Variants in CSMD3 observed in about 807,000 individuals in gnomAD.
CSMD3 encodes the protein CUB and Sushi multiple domains 3.
In CSMD3, 177 loss-of-function variants were observed where a neutral mutation model predicts 435.2. The ratio of observed to expected loss-of-function variants is 0.41; its 90% CI spans 0.36 to 0.46. The LOEUF (loss-of-function observed/expected upper bound fraction) is 0.46. Among genes scored for constraint, CSMD3 ranks in the 20% least tolerant of loss-of-function variants. The pLI, the probability that CSMD3 is intolerant of heterozygous loss-of-function variation, is 0.34. For missense variants in CSMD3, 4,265 were observed against 4,504.6 expected (o/e 0.95, Z 1.52); for synonymous variants, 1,656 against 1,520.5 (o/e 1.09, Z -2.07).
chr8:112,874,863 CTT>C (rs1211870077), intron 10 of CSMD3, among the ~76,000 whole-genome samples: 3 of 152,114 alleles, frequency 2.0e-5, no homozygotes, highest in Admixed American at 6.6e-5. Flanking sequence ...GGTCTTGACT[CTT>C]TATCCAATCT....
intron 5 of CSMD3, among the ~76,000 whole-genome samples, chr8:113,090,843 T>G (rs1282203588): frequency 1.3e-5 from 2 of 152,006 alleles, no homozygotes; most frequent in Admixed American, 1.3e-4. Context: ...TCCCACCCCC[T>G]TTTTCTCACA....
chr8:113,049,348 C>A (rs1011860574), intron 5 of CSMD3, among the ~76,000 whole-genome samples: 1 of 151,918 alleles, frequency 6.6e-6, no homozygotes, highest in African/African-American at 2.4e-5. Context: ...GGGCCCATAT[C>A]CTAGACATTC....
intron 5 of CSMD3, among the ~76,000 whole-genome samples, chr8:113,022,044 T>C (rs900231080): frequency 6.6e-6 from 1 of 152,128 alleles, no homozygotes; most frequent in African/African-American, 2.4e-5. Context: ...TGAATAATGT[T>C]CATTATTTAC....
chr8:112,725,061 A>G (rs1219124612), intron 13 of CSMD3, among the ~76,000 whole-genome samples: 1 of 152,080 alleles, frequency 6.6e-6, no homozygotes. Context: ...AATCAAAGTT[A>G]GCAAAGATGA....
chr8:113,239,143 C>T (rs1189054822), intron 3 of CSMD3, among the ~76,000 whole-genome samples: 1 of 152,064 alleles, frequency 6.6e-6, no homozygotes, highest in East Asian at 1.9e-4. Flanking sequence ...CAAACTGAAA[C>T]ATTGGTTGCC....
chr8:112,300,350 C>T (rs1007455706), intron 53 of CSMD3, among the ~76,000 whole-genome samples: 1 of 149,894 alleles, frequency 6.7e-6, no homozygotes, highest in African/African-American at 2.4e-5. Context: ...CATAAGTAAA[C>T]TAAGTAATCT....
rs59386215 is a variant in CSMD3, at chr8:113,143,630, G to A, written c.709+30092C>T. 5.5e-3 allele frequency among the ~76,000 whole-genome samples: 837 copies of A among 151,382 alleles called. 13 individuals are homozygous for A. The highest frequency in any genetic ancestry group is 0.019 in the African/African-American group (794 of 41,430). ...GCTAATGCCAGCAATGAAAAAGACCGAACTATTGATACATGCAAAAATTTG... is the reference window on the plus strand; with the variant it reads ...GCTAATGCCAGCAATGAAAAAGACCAAACTATTGATACATGCAAAAATTTG... On this transcript the variant is annotated intron_variant, in intron 4 of 70. Coordinates refer to ENST00000297405, the MANE Select transcript of CSMD3 (RefSeq NM_198123.2).
At chr8:112,383,526 A>G (rs1829665352) in intron 37 of CSMD3, 41 bp downstream of exon 37, 4 of 1,102,656 alleles carry the variant, frequency 3.6e-6, no homozygotes, top group Non-Finnish European at 5.6e-6. Context: ...TATATTCCTA[A>G]TTATATCTGT....
At chr8:112,403,430 G>T (rs1831503720) in intron 35 of CSMD3, among the ~76,000 whole-genome samples, 1 of 152,104 alleles carries the variant, frequency 6.6e-6, no homozygotes, top group Non-Finnish European at 1.5e-5. Context: ...GGCTCTTTTA[G>T]ACAATTCAGG....
chr8:112,798,333 G>A (rs975727588), intron 13 of CSMD3, among the ~76,000 whole-genome samples: 2 of 151,736 alleles, frequency 1.3e-5, no homozygotes, highest in Non-Finnish European at 3.0e-5. Flanking sequence ...ATGATGTATG[G>A]AGATTTTTTA....
chr8:112,594,448 C>A (rs1376553542), intron 22 of CSMD3, among the ~76,000 whole-genome samples: 6 of 152,176 alleles, frequency 3.9e-5, no homozygotes, highest in African/African-American at 1.4e-4. Context: ...GGGAGGGGCG[C>A]CCGCCATTGC....
At chr8:113,064,294 A>C (rs1244009256) in intron 5 of CSMD3, among the ~76,000 whole-genome samples, 1 of 152,000 alleles carries the variant, frequency 6.6e-6, no homozygotes, top group South Asian at 2.1e-4. Context: ...TTAAAACTGT[A>C]TTTATGAATA....
chr8:112,422,025 A>C (rs1812569969), intron 32 of CSMD3, among the ~76,000 whole-genome samples: 2 of 152,118 alleles, frequency 1.3e-5, no homozygotes, highest in Admixed American at 6.6e-5. Flanking sequence ...ATTTGAATTC[A>C]TAGAATATGA....
intron 13 of CSMD3, among the ~76,000 whole-genome samples, chr8:112,723,725 CT>C (rs2131980062): frequency 6.6e-6 from 1 of 152,238 alleles, no homozygotes; most frequent in Admixed American, 6.5e-5. Context: ...GACAGCATAA[CT>C]TTGGGCACAT....
At chr8:112,853,750 C>T (rs1419270336) in intron 11 of CSMD3, among the ~76,000 whole-genome samples, 2 of 152,210 alleles carry the variant, frequency 1.3e-5, no homozygotes, top group Non-Finnish European at 1.5e-5. Flanking sequence ...CCAGCTCCAC[C>T]TGTAGCTTTT....
intron 1 of CSMD3, among the ~76,000 whole-genome samples, chr8:113,378,095 A>G (rs1434863072): frequency 2.6e-5 from 4 of 152,154 alleles, no homozygotes; most frequent in Non-Finnish European, 4.4e-5. Flanking sequence ...ATTAATAATA[A>G]TAATATAACA....
chr8:112,923,563 G>A (rs940503860), intron 9 of CSMD3, among the ~76,000 whole-genome samples: 1 of 151,936 alleles, frequency 6.6e-6, no homozygotes, highest in African/African-American at 2.4e-5. Flanking sequence ...AATTGTTCTG[G>A]TTTCTCCTCG....
chr8:112,343,007 A>ATATATT (rs1825313313), intron 41 of CSMD3, among the ~76,000 whole-genome samples: 2 of 94,734 alleles, frequency 2.1e-5, no homozygotes, highest in South Asian at 5.9e-4. Flanking sequence ...ATATTTATAT[A>ATATATT]TATATATATT....
chr8:112,581,679 G>A lies in CSMD3; in HGVS notation c.3885+5387C>T, dbSNP rs537420156. Among the ~76,000 whole-genome samples, 11 of 152,164 alleles carry A rather than the reference G, an allele frequency of 7.2e-5. No homozygotes were observed. In the South Asian group the frequency reaches 2.3e-3, roughly 32 times the overall value. Reference sequence around the variant, plus strand: ...ACGACAAGCATTGTTCCTAGATGCTGGAGTTAAAGTGGAGTTAAATAGTTC... The same window carrying A: ...ACGACAAGCATTGTTCCTAGATGCTAGAGTTAAAGTGGAGTTAAATAGTTC... On this transcript the variant is annotated intron_variant, in intron 23 of 70. Transcript: ENST00000297405.
Sources: gnomAD v4.1 joint callset for allele counts (sites outside exome capture counted in the v4.1 genomes callset) on GRCh38, gnomAD v4.1.1 for gene constraint, MANE v1.5 for transcripts, NCBI Gene and HGNC (gene_info 2026-07-23, HGNC 2026-07-21) for gene names.